Variants in SLC22A23 observed in about 807,000 individuals in gnomAD.
SLC22A23 encodes the protein solute carrier family 22 member 23.
Under a neutral mutation model 61.0 loss-of-function variants are expected in SLC22A23, and 26 were observed. That is an observed-to-expected ratio of 0.43 (90% CI 0.31 to 0.59). The LOEUF (loss-of-function observed/expected upper bound fraction) is 0.59. SLC22A23 is among the 20% of genes least tolerant of loss of function. The pLI, the probability that SLC22A23 is intolerant of heterozygous loss-of-function variation, is 0.11. For synonymous variants in SLC22A23, 430 were observed against 413.9 expected, an observed-to-expected ratio of 1.04 and a Z score of -0.47; for missense variants, 796 against 934.7, an observed-to-expected ratio of 0.85 and a Z score of 1.94.
At chr6:3,444,499 G>T (rs1771780198) in intron 1 of SLC22A23, among the ~76,000 whole-genome samples, 1 of 152,128 alleles carries the variant, frequency 6.6e-6, no homozygotes, top group South Asian at 2.1e-4. Context: ...ATATGTTCAC[G>T]CAGCACACCC....
At chr6:3,284,022 G>T in intron 8 of SLC22A23, 47 bp from the exon 9 acceptor site, 3 of 1,565,038 alleles carry the variant, frequency 1.9e-6, no homozygotes, top group Non-Finnish European at 2.6e-6. Context: ...AGGAAGCCAG[G>T]CCAGGGTGGG....
intron 3 of SLC22A23, among the ~76,000 whole-genome samples, chr6:3,405,975 G>T (rs192822248): frequency 9.3e-4 from 142 of 152,206 alleles, no homozygotes; most frequent in African/African-American, 3.3e-3. Flanking sequence ...GGCTGTTTGG[G>T]TTGAAGGAGG....
chr6:3,348,224 A>AGGATGTGG (rs1340677710), intron 3 of SLC22A23, among the ~76,000 whole-genome samples: 2 of 152,172 alleles, frequency 1.3e-5, no homozygotes, highest in South Asian at 2.1e-4. Flanking sequence ...TGGGGACGGA[A>AGGATGTGG]GGATGTGGGG....
chr6:3,336,003 G>A lies in SLC22A23; in HGVS notation c.914-12001C>T, dbSNP rs552970051. ...ACTCGGGAGGCTGAGGCAGGAGAAT[G>A]GCGTGAACCCAGGAGGTGGAGCTTG... On this transcript the variant is annotated intron_variant, in intron 3 of 9. Transcript: ENST00000406686. Among the ~76,000 whole-genome samples the A allele has an allele frequency of 3.4e-4, 52 of 152,106 alleles. No individual in the cohort carries two copies. In the East Asian group the frequency reaches 1.0e-2, roughly 29 times the overall value.
At position 3,386,888 on chromosome 6, in the gene SLC22A23, C is replaced by A. The variant is rs189533286; in HGVS notation, c.913+23300G>T. Among the ~76,000 whole-genome samples, 1 of 152,200 alleles carries A rather than the reference C, an allele frequency of 6.6e-6. No homozygotes were observed. The highest frequency in any genetic ancestry group is 1.5e-5 in the Non-Finnish European group (1 of 68,022). ...GGCACCCCAGGGCGGGGCAGGCACC[C>A]CAGGGTGCAGCAGGCCTTTCTCTGG... On this transcript the variant is annotated intron_variant, in intron 3 of 9. Transcript: ENST00000406686. The surrounding 1 kb of genome is among the most constrained non-coding windows in gnomAD (Gnocchi z 4.4).
At chr6:3,368,298 GC>G (rs1765970293) in intron 3 of SLC22A23, among the ~76,000 whole-genome samples, 1 of 152,196 alleles carries the variant, frequency 6.6e-6, no homozygotes, top group Non-Finnish European at 1.5e-5. Context: ...TGCACCCCAT[GC>G]TCAACCCGAG....
At chr6:3,279,741 C>A (rs553594239) in intron 9 of SLC22A23, among the ~76,000 whole-genome samples, 1 of 151,960 alleles carries the variant, frequency 6.6e-6, no homozygotes, top group Non-Finnish European at 1.5e-5. Context: ...CACTAGAGGG[C>A]AGCATACGCC....
intron 5 of SLC22A23, chr6:3,292,095 C>T (rs1318823469): frequency 6.6e-6 from 1 of 152,198 alleles, no homozygotes; most frequent in Non-Finnish European, 1.5e-5. Context: ...CGCTTCCTCC[C>T]ATGTCTGGCA....
At chr6:3,278,770 A>ACATAT (rs2127295161) in intron 9 of SLC22A23, among the ~76,000 whole-genome samples, 1 of 152,360 alleles carries the variant, frequency 6.6e-6, no homozygotes, top group East Asian at 1.9e-4. Flanking sequence ...TCAGGAAGCC[A>ACATAT]CAGGGCATAT....
intron 3 of SLC22A23, among the ~76,000 whole-genome samples, chr6:3,351,204 C>T (rs1010916535): frequency 6.6e-6 from 1 of 152,142 alleles, no homozygotes; most frequent in Non-Finnish European, 1.5e-5. Context: ...TAGAGAGGCC[C>T]TCGCAGTTAA....
Position 3,410,141 on chromosome 6 carries a change from A to G in SLC22A23, c.913+47T>C. The G allele has an allele frequency of 6.4e-7, 1 of 1,567,252 alleles. No homozygotes were observed. Among genetic ancestry groups the G allele is most frequent in the Non-Finnish European group, 8.6e-7 (1 of 1,157,134 alleles). The stretch of plus-strand genomic sequence containing the variant: ...TTCCCAGAACCTCCCAGGCAACAAT[A>G]CTTTTGCTAAATTCTTTCAAGACTA... On this transcript the variant is annotated intron_variant, in intron 3 of 9. Coordinates refer to ENST00000406686, the MANE Select transcript of SLC22A23 (RefSeq NM_015482.2). This position sits in a 1 kb window ranked among gnomAD's most constrained non-coding sequence, Gnocchi z 5.0.
intron 1 of SLC22A23, among the ~76,000 whole-genome samples, chr6:3,420,607 T>C (rs1770059418): frequency 6.6e-6 from 1 of 152,178 alleles, no homozygotes; most frequent in Admixed American, 6.5e-5. Flanking sequence ...AGTCTAATGA[T>C]TACTACTTTA....
At chr6:3,428,908 G>C (rs920241698) in intron 1 of SLC22A23, among the ~76,000 whole-genome samples, 1 of 152,158 alleles carries the variant, frequency 6.6e-6, no homozygotes, top group Non-Finnish European at 1.5e-5. Context: ...TCATTTTCAG[G>C]ACTTCTCAGA....
intron 3 of SLC22A23, among the ~76,000 whole-genome samples, chr6:3,335,414 G>A (rs929080551): frequency 6.6e-6 from 1 of 151,504 alleles, no homozygotes; most frequent in East Asian, 1.9e-4. Context: ...AGGGCCATGA[G>A]GACTCTAACA....
At position 3,410,966 on chromosome 6, in the gene SLC22A23, A is replaced by G. The variant is rs1769190477; in HGVS notation, c.759-624T>C. Among the ~76,000 whole-genome samples, 1 of 152,228 alleles carries G rather than the reference A, an allele frequency of 6.6e-6. No homozygotes were observed. The highest frequency in any genetic ancestry group is 1.5e-5 in the Non-Finnish European group (1 of 68,038). On this transcript the variant is annotated intron_variant, in intron 2 of 9. Coordinates refer to ENST00000406686, the MANE Select transcript of SLC22A23 (RefSeq NM_015482.2). This position sits in a 1 kb window ranked among gnomAD's most constrained non-coding sequence, Gnocchi z 5.0. ...TGACCTGATAGTGAGCTGACAGTGCAGCCCCTCGGCTGGACTGAGAGGCAG... is the reference window on the plus strand; with the variant it reads ...TGACCTGATAGTGAGCTGACAGTGCGGCCCCTCGGCTGGACTGAGAGGCAG...
rs945525408 is a variant in SLC22A23, at chr6:3,333,510, C to T, written c.914-9508G>A. 3.3e-5 allele frequency among the ~76,000 whole-genome samples: 5 copies of T among 152,152 alleles called. No homozygotes were observed. The East Asian group carries it at 9.7e-4, about 29-fold the overall frequency. On this transcript the variant is annotated intron_variant, in intron 3 of 9. Transcript: ENST00000406686. The surrounding 1 kb of genome is among the most constrained non-coding windows in gnomAD (Gnocchi z 4.1). ...AGCCACACTGGCCTCCCTGCTGCTC[C>T]TCTAACCCAGCAAGCACACCCCCCT...
chr6:3,398,778 C>G (rs1485006590), intron 3 of SLC22A23, among the ~76,000 whole-genome samples: 1 of 151,928 alleles, frequency 6.6e-6, no homozygotes, highest in Non-Finnish European at 1.5e-5. Context: ...ACCTGTAATC[C>G]CAGCACTTTG....
At chr6:3,295,284 G>C (rs1237264437) in intron 5 of SLC22A23, among the ~76,000 whole-genome samples, 5 of 139,544 alleles carry the variant, frequency 3.6e-5, no homozygotes, top group Non-Finnish European at 7.4e-5. Flanking sequence ...CTTGGTCTCT[G>C]AGGAGCTGGG....
At chr6:3,369,547 C>T (rs186003531) in intron 3 of SLC22A23, among the ~76,000 whole-genome samples, 275 of 152,108 alleles carry the variant, frequency 1.8e-3, no homozygotes, top group Non-Finnish European at 3.1e-3. Context: ...AAAAATTAGC[C>T]GGGCGTGGTG....
Sources: gnomAD v4.1 joint callset for allele counts (sites outside exome capture counted in the v4.1 genomes callset) on GRCh38, gnomAD v4.1.1 for gene constraint, Gnocchi (gnomAD v3.1) non-coding constraint, MANE v1.5 for transcripts, NCBI Gene and HGNC (gene_info 2026-07-23, HGNC 2026-07-21) for gene names.